The following EBF1 variants were observed in gnomAD, a reference collection of about 807,000 sequenced individuals.
EBF1 encodes transcription factor COE1.
In EBF1, 10 loss-of-function variants were observed where a neutral mutation model predicts 68.4. The ratio of observed to expected loss-of-function variants is 0.15; its 90% CI spans 0.09 to 0.25. The LOEUF (loss-of-function observed/expected upper bound fraction) is 0.25. EBF1 is among the 10% of genes least tolerant of loss of function. The pLI, the probability that EBF1 is intolerant of heterozygous loss-of-function variation, is 1.00. For synonymous variants in EBF1, 298 were observed against 299.8 expected, an observed-to-expected ratio of 0.99 and a Z score of 0.06; for missense variants, 509 against 794.4, an observed-to-expected ratio of 0.64 and a Z score of 4.32.
intron 4 of EBF1, 83 bp from the exon 5 acceptor site, chr5:159,084,822 C>T: frequency 7.9e-7 from 1 of 1,271,090 alleles, no homozygotes; most frequent in Non-Finnish European, 1.1e-6. Context: ...TTCTTAACCA[C>T]TTCACCACTA....
intron 6 of EBF1, among the ~76,000 whole-genome samples, chr5:159,013,855 C>T (rs561274595): frequency 9.2e-5 from 14 of 152,308 alleles, no homozygotes; most frequent in African/African-American, 3.4e-4. Context: ...CACCACTTTT[C>T]AGCGCTCCAA....
chr5:158,908,694 C>T (rs1030874665), intron 6 of EBF1, among the ~76,000 whole-genome samples: 8 of 152,218 alleles, frequency 5.3e-5, no homozygotes, highest in African/African-American at 1.4e-4. Flanking sequence ...GGAGGAGATG[C>T]GTTTGCACCT....
At chr5:159,005,284 C>G (rs1485475319) in intron 6 of EBF1, among the ~76,000 whole-genome samples, 1 of 152,206 alleles carries the variant, frequency 6.6e-6, no homozygotes, top group Admixed American at 6.5e-5. Context: ...AAGAACTCAA[C>G]TCACAGTAGT....
intron 10 of EBF1, among the ~76,000 whole-genome samples, chr5:158,753,347 A>G (rs1345756693): frequency 2.0e-5 from 3 of 152,132 alleles, no homozygotes; most frequent in South Asian, 4.1e-4. Flanking sequence ...AAAGCAATCA[A>G]TTTTGAAACC....
At chr5:158,843,017 C>T (rs944034279) in intron 6 of EBF1, among the ~76,000 whole-genome samples, 1 of 152,160 alleles carries the variant, frequency 6.6e-6, no homozygotes, top group African/African-American at 2.4e-5. Flanking sequence ...CGTACTGTAA[C>T]AGCAATTTTG....
chr5:158,922,790 T>G (rs1197439965), intron 6 of EBF1, among the ~76,000 whole-genome samples: 2 of 152,240 alleles, frequency 1.3e-5, no homozygotes, highest in Admixed American at 1.3e-4. Context: ...ACTTCAGAAT[T>G]GAGAAAGCCT....
At chr5:158,982,862 T>C (rs1758169051) in intron 6 of EBF1, 1 of 152,178 alleles carries the variant, frequency 6.6e-6, no homozygotes, top group South Asian at 2.1e-4. Context: ...TTAACCAGAA[T>C]TATCTTGGGA....
At chr5:158,833,144 A>C (rs988589391) in intron 7 of EBF1, among the ~76,000 whole-genome samples, 1 of 151,990 alleles carries the variant, frequency 6.6e-6, no homozygotes, top group African/African-American at 2.4e-5. Flanking sequence ...CTACTAAAAA[A>C]AAAATCTAAA....
At chr5:158,907,659 A>G (rs1422985973) in intron 6 of EBF1, among the ~76,000 whole-genome samples, 1 of 152,222 alleles carries the variant, frequency 6.6e-6, no homozygotes, top group Non-Finnish European at 1.5e-5. Context: ...TTTTAAATGA[A>G]TAAGAACAGA....
chr5:158,856,306 C>G (rs190155024), intron 6 of EBF1, among the ~76,000 whole-genome samples: 1 of 152,156 alleles, frequency 6.6e-6, no homozygotes, highest in African/African-American at 2.4e-5. Flanking sequence ...ATTCCCTGAA[C>G]GCTGAGAGTG....
chr5:158,774,463 C>A (rs1220748551), intron 10 of EBF1, among the ~76,000 whole-genome samples: 1 of 151,870 alleles, frequency 6.6e-6, no homozygotes, highest in African/African-American at 2.4e-5. Context: ...TGTTACTTTT[C>A]AGCTCAATAA....
chr5:158,969,908 GA>G (rs1349712410), intron 6 of EBF1, among the ~76,000 whole-genome samples: 2,578 of 104,716 alleles, frequency 0.025, 117 homozygotes, highest in African/African-American at 0.036. Flanking sequence ...AAGAAAGAAA[GA>G]AAGAAAGAAA....
rs184891203 is a variant in EBF1 at position 158,717,161 on chromosome 5, A to G, written c.1126-2979T>C. Among the ~76,000 whole-genome samples, 238 of 152,378 alleles carry G rather than the reference A, an allele frequency of 1.6e-3. 2 individuals are homozygous for G. Among genetic ancestry groups the G allele is most frequent in the African/African-American group, 5.6e-3 (232 of 41,592 alleles). On this transcript the variant is annotated intron_variant, in intron 11 of 15. Coordinates refer to ENST00000313708, the MANE Select transcript of EBF1 (RefSeq NM_024007.5). The stretch of plus-strand genomic sequence containing the variant: ...TAAATTTGTAAAAGGCATTATAAAA[A>G]TGACAGGTAGTATAAAAGATGTATG...
At chr5:158,737,215 C>A (rs984010694) in intron 10 of EBF1, among the ~76,000 whole-genome samples, 1 of 146,516 alleles carries the variant, frequency 6.8e-6, no homozygotes, top group East Asian at 2.0e-4. Context: ...GCAGAATTAA[C>A]CAATAGAGAA....
chr5:158,992,917 CTTTTTTTTTTTTTTT>C (rs148629320), intron 6 of EBF1, among the ~76,000 whole-genome samples: 1 of 72,826 alleles, frequency 1.4e-5, no homozygotes. Flanking sequence ...CTGTTTCTTT[CTTTTTTTTTTTTTTT>C]TTTTTTTTTT....
chr5:158,702,743 C>CAAAAAAAAAAAAAAAAAAAAAAAAA (rs58496050), intron 15 of EBF1, among the ~76,000 whole-genome samples: 1 of 41,588 alleles, frequency 2.4e-5, no homozygotes, highest in African/African-American at 1.0e-4. Flanking sequence ...GACTCCTTCT[C>CAAAAAAAAAAAAAAAAAAAAAAAAA]AAAAAAAAAA....
intron 6 of EBF1, among the ~76,000 whole-genome samples, chr5:158,990,778 G>T (rs1464459051): frequency 1.3e-5 from 2 of 152,138 alleles, no homozygotes; most frequent in East Asian, 3.8e-4. Context: ...AAAGACAAAG[G>T]CTCATAACAG....
chr5:158,918,944 T>G (rs1338204635), intron 6 of EBF1, among the ~76,000 whole-genome samples: 2 of 152,228 alleles, frequency 1.3e-5, no homozygotes, highest in African/African-American at 4.8e-5. Flanking sequence ...TGACAGAGTT[T>G]GAATGGGCTT....
At chr5:158,722,593 G>T (rs895530847) in intron 11 of EBF1, among the ~76,000 whole-genome samples, 1 of 152,174 alleles carries the variant, frequency 6.6e-6, no homozygotes, top group African/African-American at 2.4e-5. Context: ...AGATACATAA[G>T]GGAGGCAAAA....
Sources: allele counts gnomAD v4.1 joint callset (sites outside exome capture counted in the v4.1 genomes callset), GRCh38; gene constraint gnomAD v4.1.1; transcripts MANE v1.5; gene names NCBI Gene and HGNC (gene_info 2026-07-23, HGNC 2026-07-21).